The following CPA6 variants were observed in gnomAD, a reference collection of about 807,000 sequenced individuals.
CPA6 encodes carboxypeptidase A6.
Under a neutral mutation model 63.3 loss-of-function variants are expected in CPA6, and 58 were observed. That is an observed-to-expected ratio of 0.92 (90% CI 0.74 to 1.14). CPA6 has a LOEUF of 1.14. CPA6 is among the 50% of genes most tolerant of loss of function. The probability of loss-of-function intolerance (pLI) is 0.00; values close to 1 mark genes in which losing one functional copy is unlikely to be tolerated. For synonymous variants in CPA6, 185 were observed against 179.0 expected (o/e 1.03, Z -0.27); for missense variants, 565 against 526.6 (o/e 1.07, Z -0.71).
chr8:67,673,641 C>T (rs1194151860), intron 1 of CPA6, among the ~76,000 whole-genome samples: 2 of 151,754 alleles, frequency 1.3e-5, no homozygotes, highest in Non-Finnish European at 2.9e-5. Context: ...ATCCACCCAC[C>T]TCGGCCTCCC....
intron 2 of CPA6, among the ~76,000 whole-genome samples, chr8:67,610,758 T>G (rs1251253029): frequency 6.6e-6 from 1 of 152,030 alleles, no homozygotes; most frequent in Non-Finnish European, 1.5e-5. Flanking sequence ...CCAAATAATC[T>G]CAACAAAAAC....
chr8:67,745,332 A>G (rs148638953), intron 1 of CPA6, among the ~76,000 whole-genome samples: 1,893 of 150,390 alleles, frequency 0.013, 26 homozygotes, highest in Non-Finnish European at 0.016. Flanking sequence ...AGCCTTCAGG[A>G]TAATAAGAAT....
intron 8 of CPA6, among the ~76,000 whole-genome samples, chr8:67,479,610 G>C (rs78813822): frequency 1.1e-4 from 16 of 152,178 alleles, no homozygotes; most frequent in Non-Finnish European, 2.2e-4. Context: ...AAATGCTGGA[G>C]AATTTGCATA....
At chr8:67,712,970 G>A (rs1817293875) in intron 1 of CPA6, among the ~76,000 whole-genome samples, 1 of 151,142 alleles carries the variant, frequency 6.6e-6, no homozygotes. Flanking sequence ...TAGCCCCAAA[G>A]TGCAAAGAGT....
intron 1 of CPA6, among the ~76,000 whole-genome samples, chr8:67,684,472 C>T (rs1411753901): frequency 6.6e-6 from 1 of 152,084 alleles, no homozygotes; most frequent in Non-Finnish European, 1.5e-5. Context: ...TTCTCACCTC[C>T]CTTGCCATCT....
At chr8:67,722,300 A>G (rs754215163) in intron 1 of CPA6, among the ~76,000 whole-genome samples, 1 of 152,224 alleles carries the variant, frequency 6.6e-6, no homozygotes, top group Non-Finnish European at 1.5e-5. Context: ...GATGCATCAG[A>G]ACCACCTGGT....
At chr8:67,660,322 GTTT>G (rs869189030) in intron 1 of CPA6, among the ~76,000 whole-genome samples, 1 of 73,904 alleles carries the variant, frequency 1.4e-5, no homozygotes, top group African/African-American at 6.3e-5. Context: ...ATTATTGCAG[GTTT>G]TTTTTTTTTT....
chr8:67,684,428 C>T (rs62511393), intron 1 of CPA6, among the ~76,000 whole-genome samples: 5,285 of 152,180 alleles, frequency 0.035, 118 homozygotes, highest in Non-Finnish European at 0.046. Context: ...CACACAGCTT[C>T]GAGGTGATGG....
intron 1 of CPA6, among the ~76,000 whole-genome samples, chr8:67,695,360 C>A (rs1816894144): frequency 6.6e-6 from 1 of 152,218 alleles, no homozygotes; most frequent in Admixed American, 6.5e-5. Context: ...AATATGGCAT[C>A]ATTCCCTAGG....
intron 1 of CPA6, 49 bp downstream of exon 1, chr8:67,745,965 C>T (rs1817998943): frequency 7.0e-7 from 1 of 1,421,492 alleles, no homozygotes; most frequent in African/African-American, 1.4e-5. Flanking sequence ...CAAACCAGCC[C>T]CCAGATCCAA....
intron 1 of CPA6, among the ~76,000 whole-genome samples, chr8:67,694,643 C>A (rs1738598666): frequency 6.6e-6 from 1 of 152,218 alleles, no homozygotes; most frequent in Non-Finnish European, 1.5e-5. Context: ...CCAGCCCGCA[C>A]CTATGGCCTC....
chr8:67,675,826 G>T (rs1754648447), intron 1 of CPA6, among the ~76,000 whole-genome samples: 1 of 152,202 alleles, frequency 6.6e-6, no homozygotes, highest in Non-Finnish European at 1.5e-5. Context: ...ATAATGAGGA[G>T]CTCATGGTCT....
chr8:67,710,863 T>C (rs367544867), intron 1 of CPA6, among the ~76,000 whole-genome samples: 14 of 152,316 alleles, frequency 9.2e-5, no homozygotes, highest in African/African-American at 2.9e-4. Context: ...TTACTTTCCT[T>C]TTCAAAAAAT....
At chr8:67,441,743 T>C (rs1187296918) in intron 8 of CPA6, among the ~76,000 whole-genome samples, 1 of 152,094 alleles carries the variant, frequency 6.6e-6, no homozygotes, top group Non-Finnish European at 1.5e-5. Context: ...TACATAAATA[T>C]ACAAAAGTGA....
chr8:67,656,385 C>T (rs563960996), intron 1 of CPA6, among the ~76,000 whole-genome samples: 13 of 152,310 alleles, frequency 8.5e-5, no homozygotes, highest in Middle Eastern at 3.4e-3. Flanking sequence ...ACTATTCCCA[C>T]AAATGTTACA....
At chr8:67,455,782 G>A (rs371192274) in intron 8 of CPA6, among the ~76,000 whole-genome samples, 84 of 151,456 alleles carry the variant, frequency 5.5e-4, no homozygotes, top group African/African-American at 1.9e-3. Context: ...GGAGTGCAGT[G>A]GTGTAATCTG....
At chr8:67,640,388 G>A (rs1431993557) in intron 1 of CPA6, among the ~76,000 whole-genome samples, 1 of 151,680 alleles carries the variant, frequency 6.6e-6, no homozygotes, top group South Asian at 2.1e-4. Context: ...GGGTCGAGGT[G>A]GCAGGGAGCT....
At chr8:67,483,057 G>A (rs893464169) in intron 8 of CPA6, among the ~76,000 whole-genome samples, 2 of 152,046 alleles carry the variant, frequency 1.3e-5, no homozygotes, top group African/African-American at 4.8e-5. Context: ...ATTACACAAG[G>A]GTCTATATTT....
intron 8 of CPA6, among the ~76,000 whole-genome samples, chr8:67,453,601 G>C (rs1810605015): frequency 6.6e-6 from 1 of 152,288 alleles, no homozygotes; most frequent in East Asian, 1.9e-4. Flanking sequence ...AATGTAGATA[G>C]AGAAGAGAAA....
Sources: gnomAD v4.1 joint callset for allele counts (sites outside exome capture counted in the v4.1 genomes callset) on GRCh38, gnomAD v4.1.1 for gene constraint, MANE v1.5 for transcripts, NCBI Gene and HGNC (gene_info 2026-07-23, HGNC 2026-07-21) for gene names.